The following EIF3B variants were observed in gnomAD, a reference collection of about 807,000 sequenced individuals.
The protein encoded by EIF3B is eukaryotic translation initiation factor 3 subunit B.
Under a neutral mutation model 104.6 loss-of-function variants are expected in EIF3B, and 10 were observed. The observed-to-expected ratio is 0.10, with a 90% CI of 0.06 to 0.16. EIF3B has a LOEUF of 0.16. Among genes scored for constraint, EIF3B ranks in the 10% least tolerant of loss-of-function variants. The pLI is 1.00. For synonymous variants in EIF3B, 542 were observed against 417.2 expected (o/e 1.30, Z -3.65); for missense variants, 1,014 against 1,087.9 (o/e 0.93, Z 0.96).
intron 2 of EIF3B, among the ~76,000 whole-genome samples, chr7:2,361,884 C>G (rs1053468443): frequency 6.6e-6 from 1 of 152,138 alleles, no homozygotes; most frequent in African/African-American, 2.4e-5. Context: ...TCAAGCAATT[C>G]TCCTGCCCCA....
intron 5 of EIF3B, 133 bp downstream of exon 5, chr7:2,363,893 C>T (rs775885322): frequency 2.0e-5 from 21 of 1,062,690 alleles, no homozygotes; most frequent in Non-Finnish European, 2.6e-5. Flanking sequence ...TTTCTGAAAA[C>T]AACTTCTTTT....
Position 2,372,740 on chromosome 7 carries a change from G to A in EIF3B, c.1755G>A (p.Pro585=), listed in dbSNP as rs140168471. 1,065 of 1,614,148 alleles carry A rather than the reference G, an allele frequency of 6.6e-4. 8 individuals are homozygous for A. In the African/African-American group the frequency reaches 0.012, roughly 19 times the overall value. ...SKFAVLHGEA[P]RISVSFYHVK... is the part of the protein sequence containing the mutation. ...TTGCTGTGCTGCACGGAGAGGCTCC[G>A]CGGATATCTGTGTCTTTCTACCACG... The change falls in exon 12 of 19, where the codon CCG becomes CCA. Residue 585 remains proline (P), a synonymous_variant. Transcript: ENST00000360876.
chr7:2,379,463 C>G lies in EIF3B; in HGVS notation c.2411C>G (p.Thr804Ser). The G allele has an allele frequency of 6.3e-7, 1 of 1,586,480 alleles. No individual in the cohort carries two copies. Residue 804 changes from threonine to serine, a missense_variant, in exon 18 of 19, where the codon ACT becomes AGT. Thr to Ser is a moderately conservative substitution (Grantham distance 58). This residue lies in a region of EIF3B where 266 missense variants were observed against 324.0 expected (regional missense o/e 0.82). Coordinates refer to ENST00000360876, the MANE Select transcript of EIF3B (RefSeq NM_001037283.2). ...WEEETIEFFVTEEIIPLGNQE is the reference protein window; with the variant it reads ...WEEETIEFFVSEEIIPLGNQE ...GAGGAGACCATTGAGTTCTTCGTCA[C>G]TGAAGAAATCATTCCCCTCGGGAAT...
chr7:2,355,557 A>C, intron 1 of EIF3B, 137 bp downstream of exon 1: 12 of 1,243,080 alleles, frequency 9.7e-6, no homozygotes, highest in Non-Finnish European at 1.2e-5. Flanking sequence ...CTGAGAAGCC[A>C]CCGAGGGAGG....
chr7:2,367,356 C>T (rs957227130), intron 9 of EIF3B, among the ~76,000 whole-genome samples: 1 of 151,644 alleles, frequency 6.6e-6, no homozygotes, highest in African/African-American at 2.4e-5. Context: ...CCCCAAAAGG[C>T]CCCACCCCAT....
rs1342575700 is a variant in EIF3B at position 2,380,376 on chromosome 7, C to T, written c.*187C>T. ...CTCTGGCTCTGGACTGTGACTGCGC[C>T]TGGATTCTGCCATTGCGACACATTT... On this transcript the variant is annotated 3_prime_UTR_variant, in exon 19 of 19. Transcript: ENST00000360876. 3.9e-6 allele frequency: 2 copies of T among 518,806 alleles called. No homozygotes were observed. Among genetic ancestry groups the T allele is most frequent in the South Asian group, 1.4e-5 (1 of 71,584 alleles). The allele number at this position is 518,806 out of a possible 1,614,324, so 32.1% of individuals were successfully genotyped here. A position where few individuals can be genotyped will look rare whatever the true frequency, so the allele number is the denominator to read the frequency against.
upstream of EIF3B, among the ~76,000 whole-genome samples, chr7:2,354,649 G>A (rs142079458): frequency 3.8e-3 from 580 of 152,316 alleles, 4 homozygotes; most frequent in Middle Eastern, 0.017. Context: ...GTTTACTGAT[G>A]CACAGAAACA....
At chr7:2,372,926 T>G in intron 12 of EIF3B, 131 bp downstream of exon 12, 3 of 1,060,718 alleles carry the variant, frequency 2.8e-6, no homozygotes, top group Non-Finnish European at 3.9e-6. Flanking sequence ...ATGAATGGGG[T>G]GTGGCCTCGG....
intron 15 of EIF3B, 100 bp downstream of exon 15, chr7:2,377,175 G>T: frequency 6.9e-7 from 1 of 1,441,754 alleles, no homozygotes; most frequent in Non-Finnish European, 9.2e-7. Context: ...GTGACTGGGG[G>T]ATAAAAACGT....
rs748356152 is a variant in EIF3B, at chr7:2,377,088, C to T, written c.2154+13C>T. 5 of 1,599,854 alleles carry T rather than the reference C, an allele frequency of 3.1e-6. No homozygotes were observed. Among genetic ancestry groups the T allele is most frequent in the Non-Finnish European group, 4.3e-6 (5 of 1,169,874 alleles). The stretch of plus-strand genomic sequence containing the variant: ...GGAACAGATCAAGGTCAGCATGCCC[C>T]CACCCCCGGGTGCAGGGCACATGGA... On this transcript the variant is annotated intron_variant, in intron 15 of 18. Coordinates refer to ENST00000360876, the MANE Select transcript of EIF3B (RefSeq NM_001037283.2).
At chr7:2,358,024 T>C (rs1171506571) in intron 1 of EIF3B, among the ~76,000 whole-genome samples, 1 of 148,594 alleles carries the variant, frequency 6.7e-6, no homozygotes, top group Non-Finnish European at 1.5e-5. Flanking sequence ...CCTTTTTTTT[T>C]CTCTTGTTCG....
chr7:2,362,702 C>A lies in EIF3B; in HGVS notation c.750C>A (p.Ala250=). The change falls in exon 3 of 19, where the codon GCC becomes GCA. Residue 250 remains alanine, a synonymous_variant. Coordinates refer to ENST00000360876, the MANE Select transcript of EIF3B (RefSeq NM_001037283.2). ...PAHAVDAVKN[A]DGYKLDKQHT... is the part of the protein sequence containing the mutation. ...ACGCTGTGGATGCTGTGAAGAACGC[C>A]GACGGCTACAAGCTTGACAAGCAGC... The A allele has an allele frequency of 6.2e-7, 1 of 1,614,192 alleles. No homozygotes were observed. The highest frequency in any genetic ancestry group is 8.5e-7 in the Non-Finnish European group (1 of 1,180,028).
intron 6 of EIF3B, among the ~76,000 whole-genome samples, chr7:2,365,559 A>G (rs1395311900): frequency 2.0e-5 from 3 of 152,118 alleles, no homozygotes; most frequent in Admixed American, 1.3e-4. Flanking sequence ...CAGACAAGCC[A>G]GCAGTCAGGT....
intron 1 of EIF3B, among the ~76,000 whole-genome samples, chr7:2,356,825 C>T (rs948479735): frequency 6.6e-6 from 1 of 151,944 alleles, no homozygotes; most frequent in Non-Finnish European, 1.5e-5. Flanking sequence ...AAAACGCTGT[C>T]AGTTACTGTG....
upstream of EIF3B, among the ~76,000 whole-genome samples, chr7:2,354,498 A>T (rs1285311219): frequency 1.3e-5 from 2 of 152,134 alleles, no homozygotes; most frequent in Admixed American, 1.3e-4. Flanking sequence ...CCGGGTACTA[A>T]AATCATTTCT....
At chr7:2,361,341 T>C (rs1779714856) in intron 2 of EIF3B, among the ~76,000 whole-genome samples, 1 of 152,268 alleles carries the variant, frequency 6.6e-6, no homozygotes, top group Non-Finnish European at 1.5e-5. Context: ...CTGCATTTTC[T>C]GTGTTGGGCA....
At chr7:2,371,913 A>G (rs1176909544) in intron 11 of EIF3B, 64 bp downstream of exon 11, 2 of 1,316,562 alleles carry the variant, frequency 1.5e-6, no homozygotes, top group Middle Eastern at 1.8e-4. Flanking sequence ...TCTTGGCTTT[A>G]ACACTTCCAT....
Position 2,372,169 on chromosome 7 carries a change from G to T in EIF3B, c.1687+320G>T, listed in dbSNP as rs1442818814. On this transcript the variant is annotated intron_variant, in intron 11 of 18. Coordinates refer to ENST00000360876, the MANE Select transcript of EIF3B (RefSeq NM_001037283.2). The stretch of plus-strand genomic sequence containing the variant: ...TGCAGTGAACTGAGATTGCGCCCCT[G>T]CACTCCAGCCTGGGTGACGGAGCAA... 3 of 335,748 alleles carry T rather than the reference G, an allele frequency of 8.9e-6. No individual in the cohort carries two copies. In the East Asian group the frequency reaches 1.7e-4, roughly 19 times the overall value. The allele number at this position is 335,748 out of a possible 1,614,324, so 20.8% of individuals were successfully genotyped here.
At chr7:2,372,575 G>A (rs1184364658) in intron 11 of EIF3B, 98 bp from the exon 12 acceptor site, 4 of 1,438,844 alleles carry the variant, frequency 2.8e-6, no homozygotes, top group African/African-American at 2.8e-5. Context: ...CACGTCGGGG[G>A]ATATTTCTCT....
Sources: gnomAD v4.1 joint callset for allele counts (sites outside exome capture counted in the v4.1 genomes callset) on GRCh38, gnomAD v4.1.1 for gene constraint, gnomAD v4.1.1 regional missense constraint, MANE v1.5 for transcripts, NCBI Gene and HGNC (gene_info 2026-07-23, HGNC 2026-07-21) for gene names.